FRMD8: variants seen among roughly 807,000 people sequenced by gnomAD.
The protein encoded by FRMD8 is FERM domain-containing protein 8.
Under a neutral mutation model 54.2 loss-of-function variants are expected in FRMD8, and 37 were observed. The observed-to-expected ratio is 0.68, with a 90% confidence interval of 0.53 to 0.90. The LOEUF is 0.90. Ranked by LOEUF, FRMD8 falls within the 40% of genes least tolerant of loss-of-function variation. The probability of loss-of-function intolerance (pLI) is 0.00; values close to 1 mark genes in which losing one functional copy is unlikely to be tolerated. For synonymous variants in FRMD8, 246 were observed against 286.9 expected (o/e 0.86, Z 1.44); for missense variants, 585 against 653.7 (o/e 0.89, Z 1.15).
At chr11:65,406,397 T>C (rs972693786) in intron 10 of FRMD8, among the ~76,000 whole-genome samples, 3 of 151,944 alleles carry the variant, frequency 2.0e-5, no homozygotes, top group Admixed American at 6.6e-5. Flanking sequence ...GGTTTCACCG[T>C]GTTAGCCAGG....
rs533905084 is a variant in FRMD8 at position 65,404,866 on chromosome 11, C to T, written c.1074C>T (p.Ala358=). The stretch of plus-strand genomic sequence containing the variant: ...TCACACTGCCCCCTCCTCCCCAGGC[C>T]GAACTGATGAGCAGTCTCATTGAGT... ...NKLLKIYSKQ[A]ELMSSLIEYC... The change falls in exon 10 of 11, where the codon GCC becomes GCT. Residue 358 remains alanine (A), a splice_region_variant and synonymous_variant. Transcript: ENST00000317568. The surrounding 1 kb of genome is among the most constrained non-coding windows in gnomAD (Gnocchi z 4.7). 8.7e-6 allele frequency: 14 copies of T among 1,610,550 alleles called. No individual in the cohort carries two copies. Among genetic ancestry groups the T allele is most frequent in the South Asian group, 3.3e-5 (3 of 91,012 alleles).
chr11:65,370,380 G>A, the FRMD8 span, among the ~76,000 whole-genome samples: 1 of 151,532 alleles, frequency 6.6e-6, no homozygotes, highest in South Asian at 2.1e-4. Flanking sequence ...GGAGCAGGGA[G>A]ACTTGGGGAG....
chr11:65,379,366 G>GC, the FRMD8 span: 1 of 1,606,524 alleles, frequency 6.2e-7, no homozygotes, highest in African/African-American at 1.3e-5. Flanking sequence ...CCCACTCACT[G>GC]CCCCCTCACC....
At chr11:65,381,741 G>T, upstream of FRMD8, 1 of 717,978 alleles carries the variant, frequency 1.4e-6, no homozygotes. Context: ...TTTTTTTGTA[G>T]AGACAGGGGC....
intron 10 of FRMD8, among the ~76,000 whole-genome samples, chr11:65,407,832 G>A (rs371572223): frequency 2.7e-5 from 4 of 150,698 alleles, no homozygotes; most frequent in Non-Finnish European, 4.4e-5. Context: ...TGCAGTGAGC[G>A]GAGATCGCGC....
At position 65,400,007 on chromosome 11, in the gene FRMD8, C is replaced by A; in HGVS notation, c.927+148C>A. The A allele has an allele frequency of 1.1e-6, 1 of 939,252 alleles. No individual in the cohort carries two copies. The highest frequency in any genetic ancestry group is 1.6e-6 in the Non-Finnish European group (1 of 642,132). The allele number at this position is 939,252 out of a possible 1,614,324, so 58.2% of individuals were successfully genotyped here. ...CTGCCTCCGTTGGATGTCCTCGTAGCCCCTGAGGGTGATCCTGGGTCCTCT... is the reference window on the plus strand; with the variant it reads ...CTGCCTCCGTTGGATGTCCTCGTAGACCCTGAGGGTGATCCTGGGTCCTCT... On this transcript the variant is annotated intron_variant, in intron 8 of 10. Coordinates refer to ENST00000317568, the MANE Select transcript of FRMD8 (RefSeq NM_031904.5). This position sits in a 1 kb window ranked among gnomAD's most constrained non-coding sequence, Gnocchi z 4.3.
At chr11:65,371,090 G>A in the FRMD8 span, among the ~76,000 whole-genome samples, 1 of 152,164 alleles carries the variant, frequency 6.6e-6, no homozygotes, top group African/African-American at 2.4e-5. Flanking sequence ...AGAGACAGCA[G>A]TGTGGGCCTG....
At chr11:65,389,168 G>A (rs1025186481) in intron 2 of FRMD8, among the ~76,000 whole-genome samples, 193 bp from the exon 3 acceptor site, 3 of 152,202 alleles carry the variant, frequency 2.0e-5, no homozygotes, top group Non-Finnish European at 4.4e-5. Flanking sequence ...GATAGCATTC[G>A]TGATAGGGTC....
the FRMD8 span, among the ~76,000 whole-genome samples, chr11:65,372,285 T>C: frequency 6.6e-6 from 1 of 152,144 alleles, no homozygotes; most frequent in South Asian, 2.1e-4. Context: ...CCTCCAATAG[T>C]GGCATCTCCT....
chr11:65,382,582 G>T (rs1194091892), upstream of FRMD8: 1 of 155,056 alleles, frequency 6.4e-6, no homozygotes, highest in Non-Finnish European at 1.4e-5. This position sits in a 1 kb window ranked among gnomAD's most constrained non-coding sequence, Gnocchi z 4.4. Flanking sequence ...CTTCCCAGGG[G>T]AAAGATAGGG....
chr11:65,393,624 C>A lies in FRMD8; in HGVS notation c.305C>A (p.Pro102Gln), dbSNP rs148847151. 2 of 1,608,692 alleles carry A rather than the reference C, an allele frequency of 1.2e-6. No individual in the cohort carries two copies. The highest frequency in any genetic ancestry group is 1.7e-6 in the Non-Finnish European group (2 of 1,179,962). ...CCCTACAAGCTGGGACGCCAGTGGCCGGAGCTGCTGCTGCGCTTCACCAGT... is the reference window on the plus strand; with the variant it reads ...CCCTACAAGCTGGGACGCCAGTGGCAGGAGCTGCTGCTGCGCTTCACCAGT... ...HQPYKLGRQW[P>Q]ELLLRFTSAP... Residue 102 changes from proline (P) to glutamine (Q), a missense_variant, in exon 4 of 11, where the codon CCG becomes CAG. Transcript: ENST00000317568.
chr11:65,376,259 C>A, the FRMD8 span: 2 of 1,014,316 alleles, frequency 2.0e-6, no homozygotes, highest in East Asian at 5.3e-5. Context: ...GGTGTCTGCC[C>A]AGCCCAGATC....
At chr11:65,380,477 C>T in the FRMD8 span, 24 of 1,323,050 alleles carry the variant, frequency 1.8e-5, no homozygotes, top group East Asian at 8.9e-5. Flanking sequence ...AGCCCATACC[C>T]GGGTATCCCA....
chr11:65,404,820 G>A lies in FRMD8; in HGVS notation c.1072-44G>A. ...CATTTCAGGCTCAGCAACAGGCATG[G>A]AAGGGGGCCCTGGCCAGGCCTCACA... On this transcript the variant is annotated intron_variant, in intron 9 of 10. Coordinates refer to ENST00000317568, the MANE Select transcript of FRMD8 (RefSeq NM_031904.5). The surrounding 1 kb of genome is among the most constrained non-coding windows in gnomAD (Gnocchi z 4.7). 6.5e-7 allele frequency: 1 copy of A among 1,540,324 alleles called. No individual in the cohort carries two copies. The highest frequency in any genetic ancestry group is 8.9e-7 in the Non-Finnish European group (1 of 1,119,668).
the FRMD8 span, among the ~76,000 whole-genome samples, chr11:65,370,186 ACTACAGC>A: frequency 6.6e-6 from 1 of 151,536 alleles, no homozygotes; most frequent in Non-Finnish European, 1.5e-5. Flanking sequence ...CTGCCACTGC[ACTACAGC>A]CTGGGCAACA....
rs1856043552 is a variant in FRMD8, at chr11:65,400,218, C to T, written c.927+359C>T. Among the ~76,000 whole-genome samples, 4 of 152,198 alleles carry T rather than the reference C, an allele frequency of 2.6e-5. No individual in the cohort carries two copies. The highest frequency in any genetic ancestry group is 5.9e-5 in the Non-Finnish European group (4 of 68,038). ...GGCTGACCGTGTCCTCTTCTTTCTG[C>T]GTTTGGTGGCCAGCCCTGGGTAGAG... On this transcript the variant is annotated intron_variant, in intron 8 of 10. Transcript: ENST00000317568. This position sits in a 1 kb window ranked among gnomAD's most constrained non-coding sequence, Gnocchi z 4.3.
chr11:65,374,420 CGCGGTGTGACCT>C, the FRMD8 span, among the ~76,000 whole-genome samples: 1 of 141,594 alleles, frequency 7.1e-6, no homozygotes, highest in Non-Finnish European at 1.6e-5. Flanking sequence ...ATGATTTACC[CGCGGTGTGACCT>C]AGGACAAGTT....
chr11:65,379,838 G>T, the FRMD8 span: 1 of 1,613,718 alleles, frequency 6.2e-7, no homozygotes, highest in Non-Finnish European at 8.5e-7. Context: ...CCCGAAAGGG[G>T]AAGGACCCCA....
the FRMD8 span, chr11:65,375,975 T>G: frequency 1.8e-5 from 3 of 165,714 alleles, no homozygotes; most frequent in East Asian, 1.7e-4. Context: ...GGCAGGAGAG[T>G]TGCTTGAACC....
Sources: gnomAD v4.1 joint callset for allele counts (sites outside exome capture counted in the v4.1 genomes callset) on GRCh38, gnomAD v4.1.1 for gene constraint, Gnocchi (gnomAD v3.1) non-coding constraint, MANE v1.5 for transcripts, NCBI Gene and HGNC (gene_info 2026-07-23, HGNC 2026-07-21) for gene names.